Variants in NRG3 observed in about 807,000 individuals in gnomAD.
The protein encoded by NRG3 is pro-neuregulin-3, membrane-bound isoform.
In NRG3, 31 loss-of-function variants were observed where a neutral mutation model predicts 66.9. The ratio of observed to expected loss-of-function variants is 0.46; its 90% CI spans 0.35 to 0.63. The LOEUF (loss-of-function observed/expected upper bound fraction) is 0.63. NRG3 is among the 20% of genes least tolerant of loss of function. NRG3 has a pLI of 0.00. For missense variants in NRG3, 910 were observed against 878.9 expected (o/e 1.04, Z -0.45); for synonymous variants, 393 against 359.4 (o/e 1.09, Z -1.06).
chr10:82,080,712 C>A (rs751558084), intron 1 of NRG3, among the ~76,000 whole-genome samples: 64 of 151,576 alleles, frequency 4.2e-4, no homozygotes, highest in Non-Finnish European at 8.4e-4. Context: ...TTTGTTTTAA[C>A]CTTTAAAAAA....
intron 2 of NRG3, among the ~76,000 whole-genome samples, chr10:82,453,722 T>G (rs2136617479): frequency 6.6e-6 from 1 of 152,194 alleles, no homozygotes; most frequent in South Asian, 2.1e-4. Context: ...ATCTGTACAT[T>G]AACCAGTTGC....
At chr10:82,646,382 C>T (rs899867403) in intron 2 of NRG3, among the ~76,000 whole-genome samples, 1 of 152,146 alleles carries the variant, frequency 6.6e-6, no homozygotes, top group African/African-American at 2.4e-5. Flanking sequence ...GGAGACTTCT[C>T]AACCTTCACT....
At position 82,782,598 on chromosome 10, in the gene NRG3, G is replaced by A. The variant is rs566111913; in HGVS notation, c.1027+43948G>A. 2.6e-4 allele frequency among the ~76,000 whole-genome samples: 40 copies of A among 152,174 alleles called. No homozygotes were observed. The South Asian group carries it at 7.9e-3, about 30-fold the overall frequency. ...AAAATGTGGACACAGCTTTGGAGTTGGGTAATGGCTACGGGCTAGAAGAAT... is the reference window on the plus strand; with the variant it reads ...AAAATGTGGACACAGCTTTGGAGTTAGGTAATGGCTACGGGCTAGAAGAAT... On this transcript the variant is annotated intron_variant, in intron 3 of 8. Transcript: ENST00000372141.
At position 82,420,582 on chromosome 10, in the gene NRG3, A is replaced by C. The variant is rs148741046; in HGVS notation, c.953+61714A>C. Among the ~76,000 whole-genome samples, 9 of 152,278 alleles carry C rather than the reference A, an allele frequency of 5.9e-5. No homozygotes were observed. The East Asian group carries it at 1.7e-3, about 29-fold the overall frequency. ...TGTCTGCTCAAATCCAAATTATATAAAATGGCAAAGCTGCTCTGGAACACA... is the reference window on the plus strand; with the variant it reads ...TGTCTGCTCAAATCCAAATTATATACAATGGCAAAGCTGCTCTGGAACACA... On this transcript the variant is annotated intron_variant, in intron 2 of 8. Coordinates refer to ENST00000372141, the MANE Select transcript of NRG3 (RefSeq NM_001010848.4).
intron 1 of NRG3, among the ~76,000 whole-genome samples, chr10:82,176,898 CACACACAA>C (rs1005165859): frequency 6.6e-6 from 1 of 151,358 alleles, no homozygotes; most frequent in African/African-American, 2.4e-5. Context: ...CACACACACA[CACACACAA>C]ACACACACAC....
chr10:82,102,563 A>G (rs2066825036), intron 1 of NRG3, among the ~76,000 whole-genome samples: 1 of 150,644 alleles, frequency 6.6e-6, no homozygotes, highest in Non-Finnish European at 1.5e-5. Flanking sequence ...TGGGGGCATT[A>G]TTTGAATATT....
At chr10:82,554,410 ATG>A (rs1250149084) in intron 2 of NRG3, among the ~76,000 whole-genome samples, 2 of 152,170 alleles carry the variant, frequency 1.3e-5, no homozygotes, top group Non-Finnish European at 2.9e-5. Context: ...TCCAACGATT[ATG>A]TGTCAATTAA....
At chr10:82,389,342 A>G (rs2086206053) in intron 2 of NRG3, among the ~76,000 whole-genome samples, 1 of 152,206 alleles carries the variant, frequency 6.6e-6, no homozygotes, top group Non-Finnish European at 1.5e-5. Flanking sequence ...CTTGCTCTGC[A>G]GTGGAAGGTC....
At chr10:81,915,902 C>A (rs372507106) in intron 1 of NRG3, among the ~76,000 whole-genome samples, 15 of 152,102 alleles carry the variant, frequency 9.9e-5, no homozygotes, top group African/African-American at 3.6e-4. Context: ...ACAGGCCCGT[C>A]TCTTGGTCAA....
chr10:82,283,457 C>A (rs2079233396), intron 1 of NRG3, among the ~76,000 whole-genome samples: 1 of 152,150 alleles, frequency 6.6e-6, no homozygotes, highest in Non-Finnish European at 1.5e-5. Context: ...GTAAGTTTTC[C>A]TATGCAACCT....
intron 1 of NRG3, among the ~76,000 whole-genome samples, chr10:81,956,673 G>T (rs1187413842): frequency 6.6e-6 from 1 of 152,022 alleles, no homozygotes; most frequent in Non-Finnish European, 1.5e-5. Flanking sequence ...ACTCCTAACT[G>T]GTTTCTCTGA....
intron 3 of NRG3, among the ~76,000 whole-genome samples, chr10:82,789,883 A>G (rs986406027): frequency 3.3e-5 from 5 of 152,042 alleles, no homozygotes; most frequent in African/African-American, 9.7e-5. Flanking sequence ...TGTGGATTAC[A>G]ATGAACATTT....
Position 82,097,549 on chromosome 10 carries a change from C to T in NRG3, c.823+221386C>T, listed in dbSNP as rs562736675. The stretch of plus-strand genomic sequence containing the variant: ...TCTGTGATATATATATATAGGCACA[C>T]CCATATATATAAAGCTCTTATGCAC... On this transcript the variant is annotated intron_variant, in intron 1 of 8. Transcript: ENST00000372141. Among the ~76,000 whole-genome samples the T allele has an allele frequency of 4.0e-5, 6 of 150,588 alleles. No individual in the cohort carries two copies. In the South Asian group the frequency reaches 1.3e-3, roughly 31 times the overall value.
intron 1 of NRG3, among the ~76,000 whole-genome samples, chr10:81,984,579 T>C (rs961835611): frequency 4.6e-5 from 7 of 152,216 alleles, no homozygotes; most frequent in African/African-American, 7.2e-5. Flanking sequence ...CTGTGATACC[T>C]CATGAGCTTC....
intron 2 of NRG3, among the ~76,000 whole-genome samples, chr10:82,397,060 G>T (rs1284265288): frequency 6.6e-6 from 1 of 152,106 alleles, no homozygotes; most frequent in Non-Finnish European, 1.5e-5. Context: ...GTGCCTTCCT[G>T]TTGTGTCTGT....
intron 2 of NRG3, among the ~76,000 whole-genome samples, chr10:82,373,680 T>C (rs1420028847): frequency 1.3e-5 from 2 of 152,228 alleles, no homozygotes; most frequent in African/African-American, 4.8e-5. Flanking sequence ...GATGAGCTGA[T>C]AAAGTATCTA....
chr10:82,042,851 A>G (rs1386869122), intron 1 of NRG3, among the ~76,000 whole-genome samples: 1 of 152,058 alleles, frequency 6.6e-6, no homozygotes, highest in Non-Finnish European at 1.5e-5. Context: ...AGGTCAACGT[A>G]TTTTGAATAA....
chr10:81,875,298 G>A lies in NRG3; in HGVS notation c.-43G>A. ...CCGGCCCGCGCGGCCCCATGCCTCT[G>A]CCGCGGCCCTCGGGGGGGCGAAGGT... is the stretch of plus-strand genomic sequence containing the variant. On this transcript the variant is annotated 5_prime_UTR_variant, in exon 1 of 9. Transcript: ENST00000372141. This position sits in a 1 kb window ranked among gnomAD's most constrained non-coding sequence, Gnocchi z 5.3. The A allele has an allele frequency of 1.0e-6, 1 of 982,488 alleles. No individual in the cohort carries two copies. Among genetic ancestry groups the A allele is most frequent in the Non-Finnish European group, 1.2e-6 (1 of 829,396 alleles). 60.9% of individuals were successfully genotyped at this position (982,488 alleles called of 1,614,324 possible).
intron 2 of NRG3, among the ~76,000 whole-genome samples, chr10:82,589,619 A>T (rs750304812): frequency 6.6e-6 from 1 of 152,200 alleles, no homozygotes; most frequent in Admixed American, 6.5e-5. Context: ...AGTCTAAAAA[A>T]AAATGCATTA....
Sources: allele counts gnomAD v4.1 joint callset (sites outside exome capture counted in the v4.1 genomes callset), GRCh38; gene constraint gnomAD v4.1.1; non-coding constraint Gnocchi (gnomAD v3.1); transcripts MANE v1.5; gene names NCBI Gene and HGNC (gene_info 2026-07-23, HGNC 2026-07-21).